KCNQ5: variants seen among roughly 807,000 people sequenced by gnomAD.
KCNQ5 encodes potassium voltage-gated channel subfamily Q member 5.
In KCNQ5, 30 loss-of-function variants were observed where a neutral mutation model predicts 98.2. The observed-to-expected ratio is 0.31, with a 90% CI of 0.23 to 0.41. KCNQ5 has a LOEUF of 0.41. KCNQ5 is among the 10% of genes least tolerant of loss of function. The pLI is 1.00. For synonymous variants in KCNQ5, 458 were observed against 449.4 expected (o/e 1.02, Z -0.24); for missense variants, 835 against 1,182.5 (o/e 0.71, Z 4.31).
chr6:72,647,998 A>C (rs1765683793), intron 1 of KCNQ5, among the ~76,000 whole-genome samples: 1 of 152,194 alleles, frequency 6.6e-6, no homozygotes, highest in Non-Finnish European at 1.5e-5. Context: ...GGATTAGAAC[A>C]TGTATGTAAC....
intron 3 of KCNQ5, among the ~76,000 whole-genome samples, chr6:73,051,705 C>CAAAAAAAAAAAAAAAAAAAAAAAAA (rs201199934): frequency 4.1e-5 from 4 of 97,180 alleles, no homozygotes; most frequent in African/African-American, 1.2e-4. Context: ...AAGATAGAGG[C>CAAAAAAAAAAAAAAAAAAAAAAAAA]AAAAAAAAAA....
At chr6:72,628,461 A>G (rs1365712175) in intron 1 of KCNQ5, among the ~76,000 whole-genome samples, 4 of 152,174 alleles carry the variant, frequency 2.6e-5, no homozygotes, top group Non-Finnish European at 4.4e-5. Flanking sequence ...AAAGAGAAAG[A>G]GTATTTGGAA....
At chr6:72,718,670 C>T in intron 1 of KCNQ5, among the ~76,000 whole-genome samples, 1 of 151,846 alleles carries the variant, frequency 6.6e-6, no homozygotes, top group Non-Finnish European at 1.5e-5. Flanking sequence ...AGGATGGTCT[C>T]AATCTCTTGA....
intron 1 of KCNQ5, among the ~76,000 whole-genome samples, chr6:72,702,098 C>G (rs1349830864): frequency 1.3e-5 from 2 of 152,160 alleles, no homozygotes; most frequent in Admixed American, 1.3e-4. Flanking sequence ...TAAATTGTTA[C>G]ATTCTTTCCA....
At chr6:73,113,393 G>A (rs1040925103) in intron 7 of KCNQ5, among the ~76,000 whole-genome samples, 1 of 152,204 alleles carries the variant, frequency 6.6e-6, no homozygotes, top group African/African-American at 2.4e-5. Flanking sequence ...TAGAAAGTGA[G>A]CTCTTTGAGG....
chr6:72,686,727 T>C (rs1487144734), intron 1 of KCNQ5, among the ~76,000 whole-genome samples: 1 of 150,912 alleles, frequency 6.6e-6, no homozygotes, highest in Non-Finnish European at 1.5e-5. Flanking sequence ...GTTTTTTTTT[T>C]TTTTTTTTTT....
At chr6:72,902,351 C>A (rs774283586) in intron 1 of KCNQ5, among the ~76,000 whole-genome samples, 1 of 152,096 alleles carries the variant, frequency 6.6e-6, no homozygotes, top group African/African-American at 2.4e-5. Flanking sequence ...CTTGTCTGAT[C>A]GCTCTGGCTA....
chr6:72,995,977 G>A (rs1028292242), intron 1 of KCNQ5, among the ~76,000 whole-genome samples: 8 of 152,222 alleles, frequency 5.3e-5, no homozygotes, highest in Admixed American at 4.6e-4. Context: ...ACCTTGTAAC[G>A]TGCAGAAAAC....
intron 1 of KCNQ5, among the ~76,000 whole-genome samples, chr6:72,950,314 C>T (rs1410869170): frequency 6.6e-6 from 1 of 152,222 alleles, no homozygotes; most frequent in African/African-American, 2.4e-5. Context: ...GATTATCTGT[C>T]ACCCAGGGTT....
chr6:72,850,270 A>G (rs1562023456), intron 1 of KCNQ5, among the ~76,000 whole-genome samples: 1 of 152,148 alleles, frequency 6.6e-6, no homozygotes, highest in Non-Finnish European at 1.5e-5. Context: ...CAAAGTCTGG[A>G]CTTGAGTTTG....
intron 1 of KCNQ5, among the ~76,000 whole-genome samples, chr6:72,667,881 C>A (rs1766905658): frequency 1.3e-5 from 2 of 152,196 alleles, no homozygotes; most frequent in South Asian, 4.2e-4. Context: ...GACCAATAAT[C>A]TTCAAAAATT....
chr6:72,834,074 A>T (rs1229839779), intron 1 of KCNQ5, among the ~76,000 whole-genome samples: 2 of 152,172 alleles, frequency 1.3e-5, no homozygotes, highest in Non-Finnish European at 2.9e-5. Context: ...GGGAGACCTC[A>T]TCTTTATGAA....
intron 1 of KCNQ5, among the ~76,000 whole-genome samples, chr6:72,748,646 G>A (rs762282885): frequency 7.2e-5 from 11 of 152,090 alleles, no homozygotes; most frequent in African/African-American, 1.2e-4. Flanking sequence ...AGAAAAATGC[G>A]TTTAATAACT....
At chr6:72,905,677 G>A (rs761851980) in intron 1 of KCNQ5, among the ~76,000 whole-genome samples, 31 of 152,212 alleles carry the variant, frequency 2.0e-4, no homozygotes, top group Non-Finnish European at 3.7e-4. Context: ...CTCCTGGCTG[G>A]TACTGGGGGT....
At chr6:73,017,639 G>A (rs1479053722) in intron 2 of KCNQ5, among the ~76,000 whole-genome samples, 2 of 152,138 alleles carry the variant, frequency 1.3e-5, no homozygotes, top group Non-Finnish European at 2.9e-5. Flanking sequence ...CAATGAAAAC[G>A]CTGCAGACCT....
At chr6:72,649,665 C>T (rs576703182) in intron 1 of KCNQ5, among the ~76,000 whole-genome samples, 2 of 152,218 alleles carry the variant, frequency 1.3e-5, no homozygotes, top group South Asian at 4.1e-4. Context: ...AATAAAACTA[C>T]TGGACATAGA....
chr6:73,133,534 C>T lies in KCNQ5; in HGVS notation c.1361C>T (p.Ala454Val). ...DRRSPSTDIT[A>V]EGSPTKVQKS... ...AGGTCCCCAAGCACCGACATCACAGCCGAGGGCAGTCCCACCAAAGTGCAG... is the reference window on the plus strand; with the variant it reads ...AGGTCCCCAAGCACCGACATCACAGTCGAGGGCAGTCCCACCAAAGTGCAG... Residue 454 changes from alanine to valine, a missense_variant, in exon 10 of 14, where the codon GCC (alanine) becomes GTC (valine). Transcript: ENST00000370398. 2 of 1,614,188 alleles carry T rather than the reference C, an allele frequency of 1.2e-6. No homozygotes were observed. Among genetic ancestry groups the T allele is most frequent in the Non-Finnish European group, 1.7e-6 (2 of 1,180,032 alleles).
chr6:72,937,230 A>C (rs1365948142), intron 1 of KCNQ5, among the ~76,000 whole-genome samples: 3 of 152,148 alleles, frequency 2.0e-5, no homozygotes, highest in Non-Finnish European at 4.4e-5. Flanking sequence ...ATTTTTTTGG[A>C]TCTCCAGGGA....
At chr6:72,665,723 A>G (rs1304563531) in intron 1 of KCNQ5, among the ~76,000 whole-genome samples, 1 of 152,176 alleles carries the variant, frequency 6.6e-6, no homozygotes, top group Non-Finnish European at 1.5e-5. Flanking sequence ...GTTGGCACAG[A>G]TCATAAAGAG....
Sources: allele counts gnomAD v4.1 joint callset (sites outside exome capture counted in the v4.1 genomes callset), GRCh38; gene constraint gnomAD v4.1.1; transcripts MANE v1.5; gene names NCBI Gene and HGNC (gene_info 2026-07-23, HGNC 2026-07-21).